The following ZNHIT6 variants were observed in gnomAD, a reference collection of about 807,000 sequenced individuals.
The protein encoded by ZNHIT6 is zinc finger HIT-type containing 6.
A neutral mutation model predicts 57.2 loss-of-function variants in ZNHIT6; 45 were observed. The ratio of observed to expected loss-of-function variants is 0.79; its 90% CI spans 0.62 to 1.01. The LOEUF (loss-of-function observed/expected upper bound fraction) is 1.01, where lower values mean the gene tolerates loss of function less well. ZNHIT6 is among the 50% of genes least tolerant of loss of function. The pLI, the probability that ZNHIT6 is intolerant of heterozygous loss-of-function variation, is 0.00. For missense variants in ZNHIT6, 528 were observed against 567.3 expected (o/e 0.93, Z 0.70); for synonymous variants, 188 against 190.0 (o/e 0.99, Z 0.09).
intron 5 of ZNHIT6, among the ~76,000 whole-genome samples, 196 bp from the exon 6 acceptor site, chr1:85,681,100 G>C (rs1455274990): frequency 6.6e-6 from 1 of 152,220 alleles, no homozygotes; most frequent in East Asian, 1.9e-4. Flanking sequence ...TAAATTCCAA[G>C]GACTTCACAT....
chr1:85,659,054 T>G lies in ZNHIT6; in HGVS notation c.1248-1083A>C, dbSNP rs540023953. On this transcript the variant is annotated intron_variant, in intron 8 of 9. Coordinates refer to ENST00000370574, the MANE Select transcript of ZNHIT6 (RefSeq NM_017953.4). Reference sequence around the variant, plus strand: ...AATAACTGGTTACAAAATTGGCTTTTGGAAAAAAGTCAATTATTCTAATTA... The same window carrying G: ...AATAACTGGTTACAAAATTGGCTTTGGGAAAAAAGTCAATTATTCTAATTA... Among the ~76,000 whole-genome samples, 5 of 152,258 alleles carry G rather than the reference T, an allele frequency of 3.3e-5. No homozygotes were observed. In the South Asian group the frequency reaches 1.0e-3, roughly 32 times the overall value.
chr1:85,668,289 T>A (rs1336264757), intron 8 of ZNHIT6, among the ~76,000 whole-genome samples: 1 of 152,050 alleles, frequency 6.6e-6, no homozygotes, highest in Non-Finnish European at 1.5e-5. Context: ...TGATGGCATC[T>A]TCTATTAAAG....
At chr1:85,695,807 C>T (rs1414959662) in intron 5 of ZNHIT6, among the ~76,000 whole-genome samples, 2 of 152,214 alleles carry the variant, frequency 1.3e-5, no homozygotes, top group Middle Eastern at 3.2e-3. Context: ...GAGGCCGAGG[C>T]GGGCGGATCA....
At chr1:85,676,644 G>A (rs1661712495) in intron 8 of ZNHIT6, among the ~76,000 whole-genome samples, 1 of 152,190 alleles carries the variant, frequency 6.6e-6, no homozygotes, top group Admixed American at 6.5e-5. Context: ...GAGGCCTGAG[G>A]AGAGTGAGAG....
chr1:85,700,120 A>T (rs1368984307), intron 5 of ZNHIT6, among the ~76,000 whole-genome samples: 3 of 152,150 alleles, frequency 2.0e-5, no homozygotes, highest in African/African-American at 7.2e-5. Context: ...TTAGTGGTCA[A>T]CTCTAGATAG....
At chr1:85,656,891 T>G (rs1054598748) in intron 9 of ZNHIT6, among the ~76,000 whole-genome samples, 2 of 152,104 alleles carry the variant, frequency 1.3e-5, no homozygotes, top group African/African-American at 4.8e-5. Flanking sequence ...CAATATAGGT[T>G]ACTGCATCTT....
chr1:85,683,315 G>A (rs1661931972), intron 5 of ZNHIT6, among the ~76,000 whole-genome samples: 1 of 152,120 alleles, frequency 6.6e-6, no homozygotes, highest in Non-Finnish European at 1.5e-5. Flanking sequence ...TCAGGAGATC[G>A]AGACCATCCT....
intron 5 of ZNHIT6, among the ~76,000 whole-genome samples, chr1:85,692,438 T>C (rs554602963): frequency 6.6e-6 from 1 of 152,336 alleles, no homozygotes; most frequent in South Asian, 2.1e-4. Flanking sequence ...TAGGATTCTA[T>C]TCTTCCACAC....
intron 5 of ZNHIT6, among the ~76,000 whole-genome samples, chr1:85,699,868 A>T (rs910850952): frequency 6.6e-6 from 1 of 152,156 alleles, no homozygotes; most frequent in African/African-American, 2.4e-5. Flanking sequence ...TCAAAGGTGG[A>T]ATACCCTATT....
intron 5 of ZNHIT6, among the ~76,000 whole-genome samples, chr1:85,694,752 G>A (rs1285575471): frequency 6.6e-6 from 1 of 152,056 alleles, no homozygotes; most frequent in Admixed American, 6.6e-5. Flanking sequence ...GAGCCACCAC[G>A]GCTGGCCTCA....
At chr1:85,654,329 T>C (rs939802558) in intron 9 of ZNHIT6, among the ~76,000 whole-genome samples, 2 of 152,218 alleles carry the variant, frequency 1.3e-5, no homozygotes, top group African/African-American at 4.8e-5. Context: ...TTCCTGACTC[T>C]GTGGAAGACT....
At chr1:85,677,090 T>C in intron 8 of ZNHIT6, 146 bp downstream of exon 8, 1 of 568,990 alleles carries the variant, frequency 1.8e-6, no homozygotes, top group Non-Finnish European at 2.9e-6. Context: ...ATAAGTCTGA[T>C]TATTTTGAAT....
chr1:85,681,055 G>A, intron 5 of ZNHIT6, 151 bp from the exon 6 acceptor site: 1 of 558,860 alleles, frequency 1.8e-6, no homozygotes, highest in Non-Finnish European at 3.0e-6. Context: ...TCTCTTGCAA[G>A]GGTTATTAAG....
Position 85,667,961 on chromosome 1 carries a change from A to AAAAAAAAATGTATATATATATATATATAT in ZNHIT6, c.1247+9274_1247+9275insATATATATATATATATATACATTTTTTTT. ...ACTCTCTCTTTCAAAAAAAAAAAAA[A>AAAAAAAAATGTATATATATATATATATAT]ATATATATATATATATATATATATG... On this transcript the variant is annotated intron_variant, in intron 8 of 9. Transcript: ENST00000370574. Among the ~76,000 whole-genome samples, 11 of 18,198 alleles carry AAAAAAAAATGTATATATATATATATATAT rather than the reference A, an allele frequency of 6.0e-4. 1 individual carries two copies. The highest frequency in any genetic ancestry group is 2.3e-3 in the African/African-American group (11 of 4,704). The allele number at this position is 18,198 out of a possible 152,430, so 11.9% of individuals were successfully genotyped here.
intron 5 of ZNHIT6, among the ~76,000 whole-genome samples, chr1:85,693,927 TG>T (rs2100705317): frequency 1.3e-5 from 2 of 152,264 alleles, no homozygotes; most frequent in Non-Finnish European, 2.9e-5. Context: ...AAGACTAGCC[TG>T]GGCAACACAG....
intron 8 of ZNHIT6, among the ~76,000 whole-genome samples, chr1:85,666,732 G>A (rs1167645026): frequency 6.6e-6 from 1 of 152,190 alleles, no homozygotes; most frequent in East Asian, 1.9e-4. Flanking sequence ...CACTGGAAGA[G>A]TATCATCTTT....
At chr1:85,680,212 C>T (rs1362990933) in intron 6 of ZNHIT6, among the ~76,000 whole-genome samples, 1 of 152,080 alleles carries the variant, frequency 6.6e-6, no homozygotes, top group Non-Finnish European at 1.5e-5. Context: ...CCCCCACTCC[C>T]CTCCAAAAAT....
intron 1 of ZNHIT6, 116 bp downstream of exon 1, chr1:85,707,511 ACC>A: frequency 8.1e-7 from 1 of 1,235,982 alleles, no homozygotes; most frequent in Non-Finnish European, 1.1e-6. Context: ...GACTCCAGAA[ACC>A]CAAACTTGTG....
chr1:85,656,687 T>C (rs1456590579), intron 9 of ZNHIT6, among the ~76,000 whole-genome samples: 1 of 152,118 alleles, frequency 6.6e-6, no homozygotes, highest in Non-Finnish European at 1.5e-5. Flanking sequence ...AATTCTCAAA[T>C]TGTGAAAAAT....
Sources: allele counts gnomAD v4.1 joint callset (sites outside exome capture counted in the v4.1 genomes callset), GRCh38; gene constraint gnomAD v4.1.1; transcripts MANE v1.5; gene names NCBI Gene and HGNC (gene_info 2026-07-23, HGNC 2026-07-21).